The following COL4A3 variants were observed in gnomAD, a reference collection of about 807,000 sequenced individuals.
The protein encoded by COL4A3 is collagen type IV alpha 3 chain, also known as collagen alpha-3(IV) chain.
In COL4A3, 135 loss-of-function variants were observed where a neutral mutation model predicts 217.4. That is an observed-to-expected ratio of 0.62 (90% CI 0.54 to 0.72). The LOEUF (loss-of-function observed/expected upper bound fraction) is 0.72, where lower values mean the gene tolerates loss of function less well. Among genes scored for constraint, COL4A3 ranks in the 30% least tolerant of loss-of-function variants. The pLI is 0.00. For synonymous variants in COL4A3, 690 were observed against 736.3 expected (o/e 0.94, Z 1.02); for missense variants, 1,868 against 2,119.9 (o/e 0.88, Z 2.33).
chr2:227,202,552 G>A (rs958727040), intron 1 of COL4A3, among the ~76,000 whole-genome samples: 14 of 151,350 alleles, frequency 9.3e-5, no homozygotes, highest in African/African-American at 2.9e-4. Context: ...AGACCATCTT[G>A]GCTAACACGG....
At chr2:227,283,146 T>C (rs2072087489) in intron 32 of COL4A3, among the ~76,000 whole-genome samples, 1 of 152,202 alleles carries the variant, frequency 6.6e-6, no homozygotes, top group South Asian at 2.1e-4. Context: ...TGATTTGTTG[T>C]TGTTGTTCAT....
intron 1 of COL4A3, chr2:227,221,031 C>T (rs1359649407): frequency 6.6e-6 from 1 of 152,144 alleles, no homozygotes; most frequent in Non-Finnish European, 1.5e-5. Context: ...ATGCTTTTGT[C>T]CAATGAGTTG....
intron 38 of COL4A3, 130 bp downstream of exon 38, chr2:227,293,447 T>C: frequency 9.5e-7 from 1 of 1,050,820 alleles, no homozygotes; most frequent in Non-Finnish European, 1.4e-6. Flanking sequence ...ACTTTGAACT[T>C]CAAATTCTAA....
At position 227,290,894 on chromosome 2, in the gene COL4A3, G is replaced by A. The variant is rs545181831; in HGVS notation, c.3210+8G>A. ...GGACCACCGGGACCAACGGTATATA[G>A]GCCACTGAAATATTTACATTTTAGT... On this transcript the variant is annotated splice_region_variant and intron_variant, in intron 37 of 51. Coordinates refer to ENST00000396578, the MANE Select transcript of COL4A3 (RefSeq NM_000091.5). The A allele has an allele frequency of 6.2e-5, 100 of 1,609,058 alleles. 2 individuals carry two copies. In the South Asian group the frequency reaches 7.3e-4, roughly 12 times the overall value.
chr2:227,283,186 T>C (rs1668987651), intron 32 of COL4A3, among the ~76,000 whole-genome samples: 1 of 152,258 alleles, frequency 6.6e-6, no homozygotes, highest in African/African-American at 2.4e-5. Context: ...TTTAATTTCA[T>C]GGCTATGTTT....
intron 3 of COL4A3, 77 bp from the exon 4 acceptor site, chr2:227,244,243 C>A: frequency 8.3e-7 from 1 of 1,205,932 alleles, no homozygotes; most frequent in Non-Finnish European, 1.2e-6. Flanking sequence ...GTGACTGAGA[C>A]TGGGTTTGAT....
Position 227,240,228 on chromosome 2 carries a change from C to A in COL4A3, c.230C>A (p.Pro77His), listed in dbSNP as rs1049642928. ...GPEGLPGPQGPKGFPGLPGLT... is the reference protein window; with the variant it reads ...GPEGLPGPQGHKGFPGLPGLT... ...GAAGGCTTGCCTGGACCGCAGGGAC[C>A]CAAGGTATGTCATCCTGCAAGCTTG... Residue 77 changes from proline (P) to histidine (H), a missense_variant, in exon 3 of 52, where the codon CCC becomes CAC. By Grantham distance (77) the Pro-to-His change is moderately conservative (BLOSUM62 -2). Coordinates refer to ENST00000396578, the MANE Select transcript of COL4A3 (RefSeq NM_000091.5). 3.7e-6 allele frequency: 6 copies of A among 1,608,988 alleles called. No individual in the cohort carries two copies. The highest frequency in any genetic ancestry group is 1.7e-5 in the Admixed American group (1 of 59,460).
chr2:227,312,209 G>A lies in COL4A3; in HGVS notation c.*339G>A, dbSNP rs1574846621. ...AAGTTATGAAATATTTGGCCCGCTG[G>A]ATTCCCACATTTGTCTTCTTTCTGT... On this transcript the variant is annotated 3_prime_UTR_variant, in exon 52 of 52. Coordinates refer to ENST00000396578, the MANE Select transcript of COL4A3 (RefSeq NM_000091.5). 1 of 285,990 alleles carries A rather than the reference G, an allele frequency of 3.5e-6. No homozygotes were observed. The highest frequency in any genetic ancestry group is 3.4e-5 in the South Asian group (1 of 29,106). 17.7% of individuals were successfully genotyped at this position (285,990 alleles called of 1,614,324 possible).
intron 50 of COL4A3, among the ~76,000 whole-genome samples, chr2:227,309,868 C>T (rs2073674685): frequency 6.6e-6 from 1 of 152,182 alleles, no homozygotes; most frequent in Admixed American, 6.5e-5. Flanking sequence ...CTCCAGTGAT[C>T]TGCCCAACTC....
At chr2:227,247,837 C>T (rs1009956804) in intron 8 of COL4A3, among the ~76,000 whole-genome samples, 1 of 152,142 alleles carries the variant, frequency 6.6e-6, no homozygotes, top group African/African-American at 2.4e-5. Flanking sequence ...GAGAAGAAAA[C>T]TGACCTCATG....
intron 1 of COL4A3, among the ~76,000 whole-genome samples, chr2:227,188,004 C>T (rs2066092178): frequency 6.6e-6 from 1 of 152,146 alleles, no homozygotes; most frequent in Non-Finnish European, 1.5e-5. Flanking sequence ...CCCAAGAATA[C>T]AGTTTATAAC....
intron 3 of COL4A3, among the ~76,000 whole-genome samples, chr2:227,242,943 G>A (rs1165059747): frequency 6.6e-6 from 1 of 152,080 alleles, no homozygotes; most frequent in Non-Finnish European, 1.5e-5. Context: ...TTTTGAAAAA[G>A]TCATCCAGAT....
chr2:227,295,542 G>A (rs185019025), intron 41 of COL4A3, among the ~76,000 whole-genome samples: 1 of 152,310 alleles, frequency 6.6e-6, no homozygotes, highest in East Asian at 1.9e-4. Flanking sequence ...TTCCTACTAA[G>A]AAAGTCTTGA....
At chr2:227,305,161 T>C in intron 47 of COL4A3, 78 bp downstream of exon 47, 3 of 1,248,528 alleles carry the variant, frequency 2.4e-6, no homozygotes, top group Non-Finnish European at 3.5e-6. Context: ...TGGGTGACTA[T>C]ATGAGTTATC....
intron 1 of COL4A3, among the ~76,000 whole-genome samples, chr2:227,172,791 T>C (rs1361235326): frequency 6.6e-6 from 1 of 152,058 alleles, no homozygotes; most frequent in African/African-American, 2.4e-5. Flanking sequence ...TTCACCATGT[T>C]GGCCAGGCTG....
intron 41 of COL4A3, among the ~76,000 whole-genome samples, chr2:227,297,149 A>C (rs1039351608): frequency 6.6e-6 from 1 of 152,212 alleles, no homozygotes; most frequent in Admixed American, 6.5e-5. Flanking sequence ...AAAGACTGCA[A>C]TTTTGTTGCT....
chr2:227,271,749 G>A (rs1305742964), intron 25 of COL4A3, among the ~76,000 whole-genome samples: 1 of 152,164 alleles, frequency 6.6e-6, no homozygotes, highest in Non-Finnish European at 1.5e-5. Context: ...TGGGATTACA[G>A]GTGTGAGCTA....
chr2:227,196,510 G>C (rs185057464), intron 1 of COL4A3, among the ~76,000 whole-genome samples: 6 of 151,892 alleles, frequency 4.0e-5, no homozygotes, highest in Admixed American at 3.9e-4. Context: ...GTAGAGACAG[G>C]GTTTCACCGT....
chr2:227,231,133 T>C (rs2068380028), intron 1 of COL4A3, among the ~76,000 whole-genome samples: 1 of 152,170 alleles, frequency 6.6e-6, no homozygotes, highest in South Asian at 2.1e-4. Context: ...CACATGCAAG[T>C]AGATGATATG....
Sources: allele counts gnomAD v4.1 joint callset (sites outside exome capture counted in the v4.1 genomes callset), GRCh38; gene constraint gnomAD v4.1.1; transcripts MANE v1.5; gene names NCBI Gene and HGNC (gene_info 2026-07-23, HGNC 2026-07-21).